RALYL: variants seen among roughly 807,000 people sequenced by gnomAD.
RALYL encodes RALY RNA binding protein like, also known as RNA-binding Raly-like protein.
Under a neutral mutation model 35.1 loss-of-function variants are expected in RALYL, and 29 were observed. The observed-to-expected ratio is 0.83, with a 90% CI of 0.61 to 1.13. The LOEUF (loss-of-function observed/expected upper bound fraction) is 1.13. Among genes scored for constraint, RALYL ranks in the 50% most tolerant of loss-of-function variants. The pLI, the probability that RALYL is intolerant of heterozygous loss-of-function variation, is 0.00. For missense variants in RALYL, 359 were observed against 360.4 expected (o/e 1.00, Z 0.03); for synonymous variants, 120 against 127.6 (o/e 0.94, Z 0.40).
In RALYL at chr8:84,348,509, C is replaced by G. The variant is rs1409959555; in HGVS notation, c.-24+164085C>G. ...TCACTTTACAAAGTGGGTTATTTTA[C>G]CCAGCCAGTTGTCCATTTAATGTAC... On this transcript the variant is annotated intron_variant, in intron 1 of 8. Coordinates refer to ENST00000521268, the MANE Select transcript of RALYL (RefSeq NM_173848.7). Among the ~76,000 whole-genome samples the G allele has an allele frequency of 1.3e-5, 2 of 152,090 alleles. 1 individual carries two copies. The highest frequency in any genetic ancestry group is 6.3e-3 in the Middle Eastern group (2 of 316).
chr8:84,859,695 CA>C lies in RALYL; in HGVS notation c.414-2594del, dbSNP rs899291472. On this transcript the variant is annotated intron_variant, in intron 5 of 8. Coordinates refer to ENST00000521268, the MANE Select transcript of RALYL (RefSeq NM_173848.7). ...CAAAATGCTATCTCTACAAAAAATACAAAAAAATTTATCCAGGCACGGTGGC... is the reference window on the plus strand; with the variant it reads ...CAAAATGCTATCTCTACAAAAAATACAAAAAATTTATCCAGGCACGGTGGC... Among the ~76,000 whole-genome samples the C allele has an allele frequency of 9.9e-5, 15 of 151,950 alleles. No homozygotes were observed. The East Asian group carries it at 1.9e-3, about 20-fold the overall frequency.
intron 2 of RALYL, among the ~76,000 whole-genome samples, chr8:84,573,056 T>A (rs1160486761): frequency 6.6e-6 from 1 of 151,600 alleles, no homozygotes; most frequent in African/African-American, 2.4e-5. Flanking sequence ...ACAGTGTACT[T>A]CCATAACCTT....
At chr8:84,584,601 CA>C (rs34560691) in intron 2 of RALYL, among the ~76,000 whole-genome samples, 2,503 of 133,280 alleles carry the variant, frequency 0.019, 35 homozygotes, top group African/African-American at 0.051. Context: ...GACTCTGTCT[CA>C]AAAAAAAAAA....
chr8:84,797,693 G>T (rs1822268784), intron 3 of RALYL, among the ~76,000 whole-genome samples: 1 of 152,048 alleles, frequency 6.6e-6, no homozygotes. Flanking sequence ...ATTCCTAAAG[G>T]GTAGACAAAC....
At chr8:84,512,280 T>G (rs1223423134) in intron 1 of RALYL, among the ~76,000 whole-genome samples, 1 of 151,820 alleles carries the variant, frequency 6.6e-6, no homozygotes, top group African/African-American at 2.4e-5. Flanking sequence ...CTCATTATGA[T>G]TATGATTTGC....
At chr8:84,666,554 A>G (rs1271973933) in intron 2 of RALYL, among the ~76,000 whole-genome samples, 2 of 152,104 alleles carry the variant, frequency 1.3e-5, no homozygotes, top group Non-Finnish European at 2.9e-5. Flanking sequence ...CTGAGGAGTT[A>G]CAAAAAATAC....
intron 2 of RALYL, among the ~76,000 whole-genome samples, chr8:84,721,207 A>T (rs1332158773): frequency 1.1e-5 from 1 of 89,060 alleles, no homozygotes; most frequent in Non-Finnish European, 2.5e-5. Flanking sequence ...ATCTCTATTA[A>T]AAAAAAAAAG....
chr8:84,558,522 A>T (rs937838936), intron 2 of RALYL, among the ~76,000 whole-genome samples: 1 of 152,112 alleles, frequency 6.6e-6, no homozygotes, highest in Non-Finnish European at 1.5e-5. Flanking sequence ...CAATTTTTAA[A>T]AAAATTGTTG....
chr8:84,819,361 T>A (rs1315302045), intron 4 of RALYL, among the ~76,000 whole-genome samples: 1 of 152,212 alleles, frequency 6.6e-6, no homozygotes, highest in Non-Finnish European at 1.5e-5. Flanking sequence ...TAAAAACATG[T>A]GAAAGCTTAA....
chr8:84,568,377 A>G (rs2061944411), intron 2 of RALYL, among the ~76,000 whole-genome samples: 1 of 150,924 alleles, frequency 6.6e-6, no homozygotes, highest in East Asian at 2.0e-4. Context: ...AAGGACATGA[A>G]CTCATCATTA....
In RALYL at chr8:84,502,167, G is replaced by A. The variant is rs111490277; in HGVS notation, c.-23-27132G>A. Among the ~76,000 whole-genome samples the A allele has an allele frequency of 8.5e-3, 1,288 of 151,952 alleles. 19 individuals are homozygous for A. The highest frequency in any genetic ancestry group is 0.029 in the African/African-American group (1,186 of 41,506). ...AAGAATTTCAGTAAGAAGAATAAAC[G>A]TTTACACAGATACATATATGTGTAC... is the stretch of plus-strand genomic sequence containing the variant. On this transcript the variant is annotated intron_variant, in intron 1 of 8. Coordinates refer to ENST00000521268, the MANE Select transcript of RALYL (RefSeq NM_173848.7).
At chr8:84,208,386 C>T (rs1818591558) in intron 1 of RALYL, among the ~76,000 whole-genome samples, 1 of 152,072 alleles carries the variant, frequency 6.6e-6, no homozygotes, top group African/African-American at 2.4e-5. Context: ...ATCCTTCTCC[C>T]CTCAAAATAT....
intron 2 of RALYL, among the ~76,000 whole-genome samples, chr8:84,552,210 G>A (rs1367441644): frequency 2.7e-5 from 4 of 150,872 alleles, no homozygotes; most frequent in African/African-American, 9.7e-5. Context: ...GCAGAACTGG[G>A]AGAACTGTGG....
chr8:84,914,171 C>G (rs1279515133), intron 8 of RALYL, among the ~76,000 whole-genome samples: 2 of 151,656 alleles, frequency 1.3e-5, no homozygotes, highest in Non-Finnish European at 2.9e-5. Flanking sequence ...AAAATTAATC[C>G]CATAAGGAAC....
intron 1 of RALYL, among the ~76,000 whole-genome samples, chr8:84,367,110 ATTTTCTTTTTTCTTTTG>A (rs1467333566): frequency 1.2e-4 from 18 of 148,290 alleles, no homozygotes; most frequent in South Asian, 1.1e-3. Context: ...TCTCATTTTC[ATTTTCTTTTTTCTTTTG>A]TTTTCTTTTT....
intron 3 of RALYL, among the ~76,000 whole-genome samples, chr8:84,787,068 G>A (rs1819663251): frequency 6.6e-6 from 1 of 152,104 alleles, no homozygotes; most frequent in Non-Finnish European, 1.5e-5. Context: ...ATGCAGGTTT[G>A]TTACATAGGT....
At chr8:84,806,049 C>A (rs1824520572) in intron 4 of RALYL, among the ~76,000 whole-genome samples, 1 of 152,150 alleles carries the variant, frequency 6.6e-6, no homozygotes, top group Non-Finnish European at 1.5e-5. Context: ...TTACTTTGTA[C>A]ATGGTCATTG....
intron 1 of RALYL, among the ~76,000 whole-genome samples, chr8:84,344,449 G>A (rs1445039522): frequency 6.6e-6 from 1 of 151,944 alleles, no homozygotes; most frequent in African/African-American, 2.4e-5. Context: ...GGAAGGTGTA[G>A]GATGATTGCA....
At chr8:84,609,413 T>C (rs1817819744) in intron 2 of RALYL, among the ~76,000 whole-genome samples, 1 of 152,168 alleles carries the variant, frequency 6.6e-6, no homozygotes, top group Non-Finnish European at 1.5e-5. Context: ...TGCTACCTCA[T>C]ATTAGGAACT....
Sources: allele counts gnomAD v4.1 joint callset (sites outside exome capture counted in the v4.1 genomes callset), GRCh38; gene constraint gnomAD v4.1.1; transcripts MANE v1.5; gene names NCBI Gene and HGNC (gene_info 2026-07-23, HGNC 2026-07-21).